MAPKAP1: variants seen among roughly 807,000 people sequenced by gnomAD.
The protein encoded by MAPKAP1 is MAPK associated protein 1.
A neutral mutation model predicts 65.7 loss-of-function variants in MAPKAP1; 20 were observed. The ratio of observed to expected loss-of-function variants is 0.30; its 90% CI spans 0.21 to 0.44. The LOEUF is 0.44. MAPKAP1 is among the 20% of genes least tolerant of loss of function. The probability of loss-of-function intolerance (pLI) is 1.00; values close to 1 mark genes in which losing one functional copy is unlikely to be tolerated. For missense variants in MAPKAP1, 423 were observed against 648.0 expected, an observed-to-expected ratio of 0.65 and a Z score of 3.77; for synonymous variants, 222 against 244.3, an observed-to-expected ratio of 0.91 and a Z score of 0.85.
intron 4 of MAPKAP1, among the ~76,000 whole-genome samples, chr9:125,623,032 G>C (rs1301143415): frequency 6.6e-6 from 1 of 151,558 alleles, no homozygotes; most frequent in East Asian, 2.0e-4. Flanking sequence ...CCCTAACCGC[G>C]AGTGATCCGC....
At chr9:125,554,036 CA>C (rs36095140) in intron 6 of MAPKAP1, among the ~76,000 whole-genome samples, 1 of 150,880 alleles carries the variant, frequency 6.6e-6, no homozygotes, top group African/African-American at 2.4e-5. Flanking sequence ...TACCCTATCT[CA>C]AAAAAAAAGT....
At chr9:125,704,324 A>G (rs566844585) in intron 1 of MAPKAP1, among the ~76,000 whole-genome samples, 1 of 152,292 alleles carries the variant, frequency 6.6e-6, no homozygotes, top group East Asian at 1.9e-4. Flanking sequence ...TTCTCACACG[A>G]GAAAAAAATG....
At chr9:125,628,361 T>C (rs1235063052) in intron 4 of MAPKAP1, among the ~76,000 whole-genome samples, 1 of 152,190 alleles carries the variant, frequency 6.6e-6, no homozygotes, top group Non-Finnish European at 1.5e-5. Flanking sequence ...AATGCTTCAC[T>C]ATGCAGATCA....
Position 125,439,000 on chromosome 9 carries a change from G to A in MAPKAP1, c.1456C>T (p.Leu486=), listed in dbSNP as rs1422084662. The A allele has an allele frequency of 1.2e-6, 2 of 1,613,692 alleles. No homozygotes were observed. The highest frequency in any genetic ancestry group is 3.3e-5 in the Admixed American group (2 of 60,000). ...NEIVLKVNYI[L]ESRASTARAD... is the part of the protein sequence containing the mutation. The stretch of plus-strand genomic sequence containing the variant: ...CGGGCAGTGCTAGCTCGCGATTCCA[G>A]GATGTAGTTAACCTAGAAACAAGAG... The change falls in exon 12 of 12, where the codon CTG becomes TTG. Residue 486 remains leucine (L), a synonymous_variant. Transcript: ENST00000265960.
At chr9:125,583,482 A>G (rs1427419904) in intron 5 of MAPKAP1, among the ~76,000 whole-genome samples, 4 of 152,222 alleles carry the variant, frequency 2.6e-5, no homozygotes, top group Non-Finnish European at 4.4e-5. Flanking sequence ...AGTGCCTGCA[A>G]TAAGTACAAA....
intron 4 of MAPKAP1, among the ~76,000 whole-genome samples, chr9:125,614,790 C>G (rs983234668): frequency 6.6e-6 from 1 of 151,968 alleles, no homozygotes; most frequent in Non-Finnish European, 1.5e-5. Context: ...TTTATTAACC[C>G]AACATAGAAC....
chr9:125,668,177 C>T (rs1304129042), intron 3 of MAPKAP1, among the ~76,000 whole-genome samples: 1 of 152,196 alleles, frequency 6.6e-6, no homozygotes, highest in Non-Finnish European at 1.5e-5. Context: ...AAGCACTTTA[C>T]AGAGTGATTT....
At chr9:125,663,830 T>C (rs1834258709) in intron 3 of MAPKAP1, among the ~76,000 whole-genome samples, 1 of 152,122 alleles carries the variant, frequency 6.6e-6, no homozygotes, top group South Asian at 2.1e-4. Context: ...TGCTTTTTGT[T>C]ATTTGCAACT....
intron 10 of MAPKAP1, among the ~76,000 whole-genome samples, chr9:125,450,337 A>C (rs1040365836): frequency 2.0e-5 from 3 of 152,014 alleles, no homozygotes; most frequent in African/African-American, 7.3e-5. Flanking sequence ...TCCACACCCC[A>C]CCCCAAAATC....
chr9:125,656,238 A>T (rs566561212), intron 4 of MAPKAP1, among the ~76,000 whole-genome samples: 1 of 152,166 alleles, frequency 6.6e-6, no homozygotes, highest in South Asian at 2.1e-4. Flanking sequence ...ATTTTTTTTT[A>T]AATCCTATGT....
intron 4 of MAPKAP1, among the ~76,000 whole-genome samples, chr9:125,629,100 TAA>T (rs1436627366): frequency 7.4e-6 from 1 of 135,270 alleles, no homozygotes; most frequent in African/African-American, 2.9e-5. Flanking sequence ...CACCAGAAAA[TAA>T]AAAGTGTTGC....
At chr9:125,521,393 TCTTAA>T (rs1336390965) in intron 7 of MAPKAP1, 207 of 861,100 alleles carry the variant, frequency 2.4e-4, no homozygotes, top group Middle Eastern at 5.0e-4. Context: ...AATCTGTTTC[TCTTAA>T]CTTGAGTCAC....
chr9:125,550,183 G>A (rs985825588), intron 6 of MAPKAP1, among the ~76,000 whole-genome samples: 3 of 152,142 alleles, frequency 2.0e-5, no homozygotes, highest in African/African-American at 2.4e-5. Context: ...CAAACGCTTC[G>A]TTCTATCACA....
chr9:125,553,659 T>C (rs778889377), intron 6 of MAPKAP1, among the ~76,000 whole-genome samples: 3 of 152,198 alleles, frequency 2.0e-5, no homozygotes, highest in Non-Finnish European at 4.4e-5. Context: ...AGTCTACGGC[T>C]ACTCACACAC....
chr9:125,662,833 G>C (rs1234702348), intron 3 of MAPKAP1, among the ~76,000 whole-genome samples: 1 of 151,684 alleles, frequency 6.6e-6, no homozygotes, highest in Non-Finnish European at 1.5e-5. Flanking sequence ...ATTTTTTGAA[G>C]AGTAGTAGTG....
At chr9:125,696,762 G>A (rs1835399471) in intron 1 of MAPKAP1, among the ~76,000 whole-genome samples, 1 of 152,030 alleles carries the variant, frequency 6.6e-6, no homozygotes, top group Non-Finnish European at 1.5e-5. Flanking sequence ...AGCTTCCCCC[G>A]CTTACTTTCC....
chr9:125,506,614 C>T (rs1829149595), intron 7 of MAPKAP1, among the ~76,000 whole-genome samples, 197 bp from the exon 8 acceptor site: 1 of 152,180 alleles, frequency 6.6e-6, no homozygotes, highest in Admixed American at 6.5e-5. Flanking sequence ...GTTCTATTAT[C>T]AAGTCTGTTG....
At chr9:125,508,439 A>C (rs1346530242) in intron 7 of MAPKAP1, among the ~76,000 whole-genome samples, 4 of 152,198 alleles carry the variant, frequency 2.6e-5, no homozygotes, top group African/African-American at 4.8e-5. Context: ...ATGGCCTATT[A>C]AACAATCTCT....
intron 10 of MAPKAP1, among the ~76,000 whole-genome samples, chr9:125,465,680 G>A (rs1307855270): frequency 3.3e-5 from 5 of 152,318 alleles, no homozygotes; most frequent in South Asian, 4.1e-4. Context: ...GTGAGGACAC[G>A]GAAGCCAGTT....
Sources: gnomAD v4.1 joint callset for allele counts (sites outside exome capture counted in the v4.1 genomes callset) on GRCh38, gnomAD v4.1.1 for gene constraint, MANE v1.5 for transcripts, NCBI Gene and HGNC (gene_info 2026-07-23, HGNC 2026-07-21) for gene names.